Variants in CSMD1 observed in about 807,000 individuals in gnomAD.
CSMD1 encodes CUB and sushi domain-containing protein 1.
Under a neutral mutation model 417.5 loss-of-function variants are expected in CSMD1, and 213 were observed. That is an observed-to-expected ratio of 0.51 (90% CI 0.46 to 0.57). CSMD1 has a LOEUF of 0.57. Ranked by LOEUF, CSMD1 falls within the 20% of genes least tolerant of loss-of-function variation. The probability of loss-of-function intolerance (pLI) is 0.00; values close to 1 mark genes in which losing one functional copy is unlikely to be tolerated. For missense variants in CSMD1, 6,923 were observed against 4,529.7 expected, an observed-to-expected ratio of 1.53 and a Z score of -15.17; for synonymous variants, 2,862 against 1,736.8, an observed-to-expected ratio of 1.65 and a Z score of -16.11.
At chr8:2,955,274 C>A (rs770394920) in intron 64 of CSMD1, among the ~76,000 whole-genome samples, 5 of 152,188 alleles carry the variant, frequency 3.3e-5, no homozygotes, top group Admixed American at 6.5e-5. Context: ...GTATTATTTT[C>A]CTTTTAACTC....
chr8:4,031,749 A>G (rs576147729), intron 4 of CSMD1, among the ~76,000 whole-genome samples, 156 bp downstream of exon 4: 3 of 152,364 alleles, frequency 2.0e-5, no homozygotes, highest in Non-Finnish European at 4.4e-5. Context: ...CATAGTAATA[A>G]CATGTAATAT....
chr8:4,486,350 A>G (rs1563224445), intron 2 of CSMD1, among the ~76,000 whole-genome samples: 1 of 149,838 alleles, frequency 6.7e-6, no homozygotes, highest in Admixed American at 6.7e-5. Flanking sequence ...CGACGATTCT[A>G]CCAGGTTGCA....
At position 4,237,997 on chromosome 8, in the gene CSMD1, C is replaced by T. The variant is rs148751527; in HGVS notation, c.415+181956G>A. Among the ~76,000 whole-genome samples, 851 of 152,266 alleles carry T rather than the reference C, an allele frequency of 5.6e-3. 16 individuals are homozygous for T. In the East Asian group the frequency reaches 0.07, roughly 13 times the overall value. On this transcript the variant is annotated intron_variant, in intron 3 of 69. Transcript: ENST00000635120. ...TCAGGGTGACAGAGGCATGCACAGG[C>T]CTACTGGGCGGGACGAACCACATCA... is the stretch of plus-strand genomic sequence containing the variant.
At chr8:3,213,771 G>A (rs1175968032) in intron 30 of CSMD1, among the ~76,000 whole-genome samples, 1 of 150,634 alleles carries the variant, frequency 6.6e-6, no homozygotes, top group African/African-American at 2.4e-5. Flanking sequence ...ATATATATGT[G>A]TGTGTGTATG....
At chr8:3,624,309 G>C (rs889166943) in intron 7 of CSMD1, among the ~76,000 whole-genome samples, 1 of 152,158 alleles carries the variant, frequency 6.6e-6, no homozygotes, top group African/African-American at 2.4e-5. Context: ...ACTTTCCATG[G>C]AGAATATAAT....
chr8:3,101,809 T>C (rs1159793823), intron 46 of CSMD1, among the ~76,000 whole-genome samples: 1 of 145,774 alleles, frequency 6.9e-6, no homozygotes, highest in Admixed American at 6.8e-5. Context: ...CTTTTTTTTT[T>C]TTTTTTTTTT....
intron 3 of CSMD1, among the ~76,000 whole-genome samples, chr8:4,068,757 T>C (rs1401218651): frequency 1.3e-5 from 2 of 152,206 alleles, no homozygotes; most frequent in African/African-American, 2.4e-5. Context: ...TACCATAAAA[T>C]AATGATTTTC....
chr8:4,943,311 C>G (rs890151445), intron 1 of CSMD1, among the ~76,000 whole-genome samples: 7 of 151,858 alleles, frequency 4.6e-5, no homozygotes, highest in African/African-American at 1.7e-4. Context: ...CTGGCTGACA[C>G]TATGAAAACC....
At chr8:3,667,718 G>C (rs1410589570) in intron 7 of CSMD1, among the ~76,000 whole-genome samples, 1 of 152,204 alleles carries the variant, frequency 6.6e-6, no homozygotes, top group East Asian at 1.9e-4. Context: ...AGGATTAGTA[G>C]TTACTCATTA....
intron 1 of CSMD1, among the ~76,000 whole-genome samples, chr8:4,975,318 T>C (rs918837989): frequency 4.9e-4 from 75 of 152,340 alleles, no homozygotes; most frequent in African/African-American, 1.7e-3. Context: ...CTGTAGATTA[T>C]TGAGTTAAAA....
intron 1 of CSMD1, among the ~76,000 whole-genome samples, chr8:4,887,184 C>G (rs1433421643): frequency 6.6e-6 from 1 of 151,964 alleles, no homozygotes; most frequent in Non-Finnish European, 1.5e-5. Context: ...CATTATATGC[C>G]TTTACCGCAA....
At chr8:4,878,625 A>T (rs1167248185) in intron 1 of CSMD1, among the ~76,000 whole-genome samples, 1 of 152,004 alleles carries the variant, frequency 6.6e-6, no homozygotes, top group East Asian at 1.9e-4. Context: ...GCTGGAAATT[A>T]TGCTCTCTCA....
chr8:4,441,210 C>CA (rs1242481654), intron 2 of CSMD1, among the ~76,000 whole-genome samples: 1 of 140,646 alleles, frequency 7.1e-6, no homozygotes, highest in African/African-American at 2.6e-5. Flanking sequence ...GCAATCCTCG[C>CA]ACGTCAGCCT....
At chr8:4,374,713 G>C (rs191239908) in intron 3 of CSMD1, among the ~76,000 whole-genome samples, 2 of 152,138 alleles carry the variant, frequency 1.3e-5, no homozygotes, top group African/African-American at 4.8e-5. Flanking sequence ...CTGCATCCGT[G>C]TCTGGAGCAG....
At chr8:3,851,362 C>T (rs1803892825) in intron 5 of CSMD1, among the ~76,000 whole-genome samples, 1 of 152,216 alleles carries the variant, frequency 6.6e-6, no homozygotes, top group Non-Finnish European at 1.5e-5. Flanking sequence ...CCCCAAATGG[C>T]CATCCCTGAA....
At chr8:4,349,297 C>T (rs951117052) in intron 3 of CSMD1, among the ~76,000 whole-genome samples, 4 of 152,144 alleles carry the variant, frequency 2.6e-5, no homozygotes, top group African/African-American at 9.7e-5. Flanking sequence ...CAGTGGAAAG[C>T]TATTTTTCTA....
chr8:3,056,513 C>A (rs1295049924), intron 49 of CSMD1, among the ~76,000 whole-genome samples: 1 of 152,040 alleles, frequency 6.6e-6, no homozygotes, highest in Non-Finnish European at 1.5e-5. Context: ...GGACTACAGG[C>A]CCAGGCCACC....
chr8:2,950,296 T>C lies in CSMD1; in HGVS notation c.10249A>G (p.Ile3417Val), dbSNP rs1802539775. The part of the protein sequence containing the change: ...EAHLLLKAFQ[I>V]KGQADIFVSK... ...ACAAAAATATCTGCCTGGCCTTTAA[T>C]TTGAAAAGCTTTCAGGAGTAAGTGG... The change falls in exon 67 of 70, where the codon ATT (isoleucine) becomes GTT (valine). Residue 3417 changes from isoleucine (I) to valine (V), a missense_variant. Transcript: ENST00000635120. 1 of 1,613,526 alleles carries C rather than the reference T, an allele frequency of 6.2e-7. No homozygotes were observed. The highest frequency in any genetic ancestry group is 8.5e-7 in the Non-Finnish European group (1 of 1,179,488).
intron 54 of CSMD1, among the ~76,000 whole-genome samples, chr8:2,983,556 A>C (rs1431159471): frequency 1.3e-5 from 2 of 152,192 alleles, no homozygotes; most frequent in East Asian, 3.8e-4. Flanking sequence ...ATTATAGATA[A>C]GGCTTTACTT....
Sources: gnomAD v4.1 joint callset for allele counts (sites outside exome capture counted in the v4.1 genomes callset) on GRCh38, gnomAD v4.1.1 for gene constraint, MANE v1.5 for transcripts, NCBI Gene and HGNC (gene_info 2026-07-23, HGNC 2026-07-21) for gene names.